Variants in EYS observed in about 807,000 individuals in gnomAD.
The protein encoded by EYS is EGF-like photoreceptor maintenance factor.
In EYS, 250 loss-of-function variants were observed where a neutral mutation model predicts 282.1. The observed-to-expected ratio is 0.89, with a 90% CI of 0.80 to 0.98. The LOEUF is 0.98. Ranked by LOEUF, EYS falls within the 50% of genes least tolerant of loss-of-function variation. The pLI is 0.00. For missense variants in EYS, 4,016 were observed against 3,709.0 expected, an observed-to-expected ratio of 1.08 and a Z score of -2.15; for synonymous variants, 1,355 against 1,282.9, an observed-to-expected ratio of 1.06 and a Z score of -1.20.
intron 31 of EYS, among the ~76,000 whole-genome samples, chr6:64,219,104 C>T (rs1165160449): frequency 6.6e-6 from 1 of 152,106 alleles, no homozygotes; most frequent in Non-Finnish European, 1.5e-5. Flanking sequence ...GCATTTGCTG[C>T]CCATGCGGAA....
intron 22 of EYS, among the ~76,000 whole-genome samples, chr6:64,694,451 C>A (rs897390893): frequency 7.2e-5 from 11 of 152,172 alleles, no homozygotes; most frequent in African/African-American, 2.4e-4. Context: ...CAGGGGAACT[C>A]CTTGACCCTG....
At chr6:64,764,539 G>C (rs1773262087) in intron 22 of EYS, among the ~76,000 whole-genome samples, 1 of 152,214 alleles carries the variant, frequency 6.6e-6, no homozygotes, top group Non-Finnish European at 1.5e-5. Flanking sequence ...CCTGTGATGG[G>C]AGGGGCTGCC....
At chr6:65,513,345 GA>G (rs1480601169) in intron 2 of EYS, among the ~76,000 whole-genome samples, 1 of 152,036 alleles carries the variant, frequency 6.6e-6, no homozygotes, top group Non-Finnish European at 1.5e-5. Flanking sequence ...ATTCACAGCT[GA>G]ATTCTACCAG....
At chr6:64,109,013 C>T (rs2150264892) in intron 31 of EYS, among the ~76,000 whole-genome samples, 1 of 152,222 alleles carries the variant, frequency 6.6e-6, no homozygotes, top group Non-Finnish European at 1.5e-5. Flanking sequence ...ACGTAACACT[C>T]TCAAGAACAT....
At position 64,703,429 on chromosome 6, in the gene EYS, A is replaced by ATTTTTT. The variant is rs1554194865; in HGVS notation, c.3444-77190_3444-77185dup. Reference sequence around the variant, plus strand: ...CACACACATATATATATATATATATATTTTTTTTTTTTTTTTTTGAGATGG... The same window carrying ATTTTTT: ...CACACACATATATATATATATATATATTTTTTTTTTTTTTTTTTTTTTTTGAGATGG... On this transcript the variant is annotated intron_variant, in intron 22 of 42. Coordinates refer to ENST00000503581, the MANE Select transcript of EYS (RefSeq NM_001142800.2). Among the ~76,000 whole-genome samples, 156 of 23,364 alleles carry ATTTTTT rather than the reference A, an allele frequency of 6.7e-3. 16 individuals are homozygous for ATTTTTT. The highest frequency in any genetic ancestry group is 0.015 in the African/African-American group (153 of 10,474). The allele number at this position is 23,364 out of a possible 152,430, so 15.3% of individuals were successfully genotyped here.
chr6:64,391,055 C>T (rs1314789216), intron 28 of EYS, among the ~76,000 whole-genome samples: 16 of 151,902 alleles, frequency 1.1e-4, no homozygotes, highest in South Asian at 4.2e-4. Context: ...TGAAATGAAG[C>T]GAGAAGGGAA....
chr6:64,553,938 G>C (rs1172162923), intron 26 of EYS, among the ~76,000 whole-genome samples: 2 of 151,960 alleles, frequency 1.3e-5, no homozygotes, highest in Non-Finnish European at 2.9e-5. Context: ...GCCAGTGCTT[G>C]TGTTACCTGT....
rs141710198 is a variant in EYS at position 64,457,712 on chromosome 6, T to G, written c.5645-18360A>C. On this transcript the variant is annotated intron_variant, in intron 26 of 42. Transcript: ENST00000503581. ...TTTCCATTTTTCTGAAATATCTTTT[T>G]TCAGTTCTTCATTTTCAATTTGTGG... Among the ~76,000 whole-genome samples, 646 of 152,136 alleles carry G rather than the reference T, an allele frequency of 4.2e-3. 5 individuals are homozygous for G. Among genetic ancestry groups the G allele is most frequent in the African/African-American group, 0.015 (608 of 41,568 alleles).
At chr6:63,969,445 G>A (rs909057361) in intron 35 of EYS, among the ~76,000 whole-genome samples, 1 of 152,208 alleles carries the variant, frequency 6.6e-6, no homozygotes, top group Non-Finnish European at 1.5e-5. Flanking sequence ...TAAGCAGAGA[G>A]AATAGCCTAA....
chr6:63,989,509 T>C (rs1290952516), intron 34 of EYS, among the ~76,000 whole-genome samples: 1 of 151,698 alleles, frequency 6.6e-6, no homozygotes, highest in Non-Finnish European at 1.5e-5. Context: ...TACTTTTCCC[T>C]AAAGTATAAT....
chr6:63,763,549 C>T (rs1769703871), intron 40 of EYS, among the ~76,000 whole-genome samples: 2 of 151,732 alleles, frequency 1.3e-5, no homozygotes, highest in Non-Finnish European at 2.9e-5. Context: ...AGGTTTCCCC[C>T]ATCCTGTTCT....
intron 22 of EYS, among the ~76,000 whole-genome samples, chr6:64,666,039 A>G (rs1255535675): frequency 6.6e-6 from 1 of 152,170 alleles, no homozygotes; most frequent in Non-Finnish European, 1.5e-5. Context: ...GCTAAATAAA[A>G]ACATATGAAC....
intron 13 of EYS, among the ~76,000 whole-genome samples, chr6:65,044,794 A>G (rs577357688): frequency 2.0e-5 from 3 of 151,860 alleles, no homozygotes; most frequent in African/African-American, 4.8e-5. Context: ...GATTTGTGCA[A>G]TTTGTATTTT....
intron 29 of EYS, among the ~76,000 whole-genome samples, chr6:64,321,843 G>A (rs1468200725): frequency 1.3e-5 from 2 of 151,852 alleles, no homozygotes; most frequent in Non-Finnish European, 2.9e-5. Context: ...TATCTTAAAT[G>A]TGGGACTTTA....
intron 2 of EYS, among the ~76,000 whole-genome samples, chr6:65,514,380 A>T (rs1203007514): frequency 6.6e-6 from 1 of 152,216 alleles, no homozygotes; most frequent in Admixed American, 6.6e-5. Flanking sequence ...TAATTTATAG[A>T]TTCAATGCCA....
At chr6:65,026,916 C>CAAAAA (rs1260312589) in intron 13 of EYS, among the ~76,000 whole-genome samples, 33 of 107,814 alleles carry the variant, frequency 3.1e-4, no homozygotes, top group South Asian at 5.9e-4. Context: ...GACTCCGTCT[C>CAAAAA]AAAAAAAAAA....
Position 65,508,662 on chromosome 6 carries a change from CAAAAAAAAAA to C in EYS, c.-332-12679_-332-12670del, listed in dbSNP as rs35302193. ...TGGGTGACAGAGCAAGACTCCATCT[CAAAAAAAAAA>C]AAAAAAAAGAAAGAAATGTTTCTTC... On this transcript the variant is annotated intron_variant, in intron 2 of 42. Transcript: ENST00000503581. Among the ~76,000 whole-genome samples the C allele has an allele frequency of 2.7e-5, 3 of 109,962 alleles. No individual in the cohort carries two copies. In the South Asian group the frequency reaches 8.9e-4, roughly 33 times the overall value. The allele number at this position is 109,962 out of a possible 152,430, so 72.1% of individuals were successfully genotyped here.
chr6:65,203,417 A>G (rs899169593), intron 12 of EYS, among the ~76,000 whole-genome samples: 9 of 152,072 alleles, frequency 5.9e-5, no homozygotes, highest in African/African-American at 2.2e-4. Flanking sequence ...TGCTACCACA[A>G]CCCACAAAAA....
At chr6:65,491,620 A>G in intron 4 of EYS, 1 of 405,332 alleles carries the variant, frequency 2.5e-6, no homozygotes, top group South Asian at 1.9e-5. Flanking sequence ...AATAATGAAA[A>G]TATAAATAAA....
Sources: gnomAD v4.1 joint callset for allele counts (sites outside exome capture counted in the v4.1 genomes callset) on GRCh38, gnomAD v4.1.1 for gene constraint, MANE v1.5 for transcripts, NCBI Gene and HGNC (gene_info 2026-07-23, HGNC 2026-07-21) for gene names.